Variants in DRICH1 observed in about 807,000 individuals in gnomAD.
DRICH1 encodes the protein aspartate-rich protein 1.
Under a neutral mutation model 39.5 loss-of-function variants are expected in DRICH1, and 38 were observed. The observed-to-expected ratio is 0.96, with a 90% CI of 0.74 to 1.26. The LOEUF (loss-of-function observed/expected upper bound fraction) is 1.26. DRICH1 is among the 50% of genes most tolerant of loss of function. The pLI, the probability that DRICH1 is intolerant of heterozygous loss-of-function variation, is 0.00. For missense variants in DRICH1, 279 were observed against 270.4 expected (o/e 1.03, Z -0.22); for synonymous variants, 84 against 99.5 (o/e 0.84, Z 0.93).
At chr22:23,627,782 A>G (rs1189885941) in intron 1 of DRICH1, among the ~76,000 whole-genome samples, 4 of 152,146 alleles carry the variant, frequency 2.6e-5, no homozygotes, top group African/African-American at 4.8e-5. Context: ...TGACTCAGAA[A>G]CTGGGGCAGC....
chr22:23,610,311 A>G (rs1926965053), intron 11 of DRICH1: 1 of 152,200 alleles, frequency 6.6e-6, no homozygotes, highest in African/African-American at 2.4e-5. Context: ...AAACTGATAC[A>G]CATCTTGGTG....
chr22:23,592,032 T>C, the DRICH1 span, among the ~76,000 whole-genome samples: 1 of 152,316 alleles, frequency 6.6e-6, no homozygotes, highest in East Asian at 1.9e-4. Context: ...CTTCTGTGGC[T>C]ACGCGAGGGG....
In DRICH1 at chr22:23,632,005, A is replaced by C; in HGVS notation, c.19T>G (p.Cys7Gly). Residue 7 changes from cysteine (C) to glycine (G), a missense_variant, in exon 1 of 12, where the codon TGT (cysteine) becomes GGT (glycine). Cys to Gly is a radical substitution (Grantham distance 159, BLOSUM62 -3). Coordinates refer to ENST00000317749, the MANE Select transcript of DRICH1 (RefSeq NM_016449.4). Reference sequence around the variant, plus strand: ...CAGCCACAGTGGGAGTTGATACAACAGGTCAGTATATTCCCCATGGGGCCT... The same window carrying C: ...CAGCCACAGTGGGAGTTGATACAACCGGTCAGTATATTCCCCATGGGGCCT... MGNILT[C>G]CINSHCGWPR... The C allele has an allele frequency of 6.2e-7, 1 of 1,613,356 alleles. No homozygotes were observed. Among genetic ancestry groups the C allele is most frequent in the Non-Finnish European group, 8.5e-7 (1 of 1,180,006 alleles).
downstream of DRICH1, among the ~76,000 whole-genome samples, chr22:23,607,568 C>T (rs372018568): frequency 8.5e-5 from 13 of 152,064 alleles, no homozygotes; most frequent in East Asian, 9.7e-4. Flanking sequence ...TCCCTAAGTC[C>T]AGGTTTCTCT....
In DRICH1 at chr22:23,611,549, A is replaced by G. The variant is rs921241161; in HGVS notation, c.685+1740T>C. On this transcript the variant is annotated intron_variant, in intron 11 of 11. Transcript: ENST00000317749. ...TGGGACTACAAGCGCCCACCACCACACCCAGCTAATGTTTTGTATTTTTAG... is the reference window on the plus strand; with the variant it reads ...TGGGACTACAAGCGCCCACCACCACGCCCAGCTAATGTTTTGTATTTTTAG... Among the ~76,000 whole-genome samples, 3 of 151,626 alleles carry G rather than the reference A, an allele frequency of 2.0e-5. No homozygotes were observed. In the East Asian group the frequency reaches 5.8e-4, roughly 29 times the overall value.
At chr22:23,592,669 G>C in the DRICH1 span, among the ~76,000 whole-genome samples, 1 of 152,078 alleles carries the variant, frequency 6.6e-6, no homozygotes, top group Admixed American at 6.6e-5. Flanking sequence ...TCTGGGGCGG[G>C]CCACTAATAG....
In DRICH1 at chr22:23,608,707, C is replaced by A; in HGVS notation, c.*57G>T. 1 of 1,538,732 alleles carries A rather than the reference C, an allele frequency of 6.5e-7. No homozygotes were observed. Among genetic ancestry groups the A allele is most frequent in the Non-Finnish European group, 8.8e-7 (1 of 1,135,770 alleles). ...TCCAGGGGCAAAGCTGGGGACCCTG[C>A]AGCACGCGCTGGCCTGCCCTTTGGG... On this transcript the variant is annotated 3_prime_UTR_variant, in exon 12 of 12. Transcript: ENST00000317749.
At position 23,626,020 on chromosome 22, in the gene DRICH1, T is replaced by C; in HGVS notation, c.237A>G (p.Lys79=). The C allele has an allele frequency of 6.2e-7, 1 of 1,613,454 alleles. No homozygotes were observed. The highest frequency in any genetic ancestry group is 8.5e-7 in the Non-Finnish European group (1 of 1,179,710). ...TGTCTTCCTCACTTGATGGCAGAAA[T>C]TTTAAACTCAGGCGGTCCTCAGGGG... ...TGPPEDRLSL[K]FLPSSEEDND... Residue 79 remains lysine, a synonymous_variant, in exon 2 of 12, where the codon AAA becomes AAG. Coordinates refer to ENST00000317749, the MANE Select transcript of DRICH1 (RefSeq NM_016449.4).
At chr22:23,631,103 C>T (rs1489401666) in intron 1 of DRICH1, 1 of 152,084 alleles carries the variant, frequency 6.6e-6, no homozygotes, top group Non-Finnish European at 1.5e-5. Context: ...ACATCCTGCA[C>T]ATGTACCTCG....
chr22:23,585,191 G>A, the DRICH1 span, among the ~76,000 whole-genome samples: 1 of 152,012 alleles, frequency 6.6e-6, no homozygotes, highest in Non-Finnish European at 1.5e-5. Flanking sequence ...AAGCTGGAGT[G>A]CAGTGGTGCA....
chr22:23,596,494 A>G, the DRICH1 span, among the ~76,000 whole-genome samples: 1 of 152,108 alleles, frequency 6.6e-6, no homozygotes, highest in South Asian at 2.1e-4. Context: ...GCCTCATGCC[A>G]TCTTCCCACC....
the DRICH1 span, among the ~76,000 whole-genome samples, chr22:23,584,621 G>A: frequency 1.3e-5 from 2 of 152,296 alleles, no homozygotes; most frequent in African/African-American, 2.4e-5. Context: ...TTGGACATGA[G>A]GATGATGATG....
chr22:23,626,303 G>A (rs1224485892), intron 1 of DRICH1, among the ~76,000 whole-genome samples: 12 of 152,138 alleles, frequency 7.9e-5, no homozygotes, highest in African/African-American at 2.9e-4. Context: ...TCAGGGCTTT[G>A]ATGTTTGCTG....
intron 5 of DRICH1, among the ~76,000 whole-genome samples, chr22:23,620,111 T>C (rs1296610493): frequency 6.6e-6 from 1 of 152,174 alleles, no homozygotes; most frequent in African/African-American, 2.4e-5. Context: ...CCCATAAACA[T>C]AGTACTTCTC....
the DRICH1 span, among the ~76,000 whole-genome samples, chr22:23,590,287 T>C: frequency 6.6e-6 from 1 of 151,512 alleles, no homozygotes; most frequent in South Asian, 2.1e-4. Flanking sequence ...GATTTTTTTT[T>C]TTTTTTTTGA....
the DRICH1 span, among the ~76,000 whole-genome samples, chr22:23,585,213 C>T: frequency 6.6e-6 from 1 of 152,138 alleles, no homozygotes; most frequent in African/African-American, 2.4e-5. Context: ...TCAGGGCTGA[C>T]TGCAGCCTCC....
At chr22:23,618,113 C>CTTTT (rs368348650) in intron 6 of DRICH1, among the ~76,000 whole-genome samples, 4 of 127,332 alleles carry the variant, frequency 3.1e-5, no homozygotes, top group Non-Finnish European at 5.0e-5. Context: ...ATCACACATT[C>CTTTT]TTTTTTTTTT....
chr22:23,620,673 A>G, intron 4 of DRICH1, 58 bp from the exon 5 acceptor site: 1 of 1,583,138 alleles, frequency 6.3e-7, no homozygotes, highest in Non-Finnish European at 8.7e-7. Flanking sequence ...TGCACCCCTT[A>G]CACAGATCTG....
At chr22:23,608,852 C>T (rs1021984167) in intron 11 of DRICH1, 84 bp from the exon 12 acceptor site, 14 of 1,443,866 alleles carry the variant, frequency 9.7e-6, no homozygotes, top group African/African-American at 2.8e-5. Context: ...GCAGCCTCCA[C>T]GCCAGCATCC....
Sources: allele counts gnomAD v4.1 joint callset (sites outside exome capture counted in the v4.1 genomes callset), GRCh38; gene constraint gnomAD v4.1.1; transcripts MANE v1.5; gene names NCBI Gene and HGNC (gene_info 2026-07-23, HGNC 2026-07-21).